IL1RAPL1: variants seen among roughly 807,000 people sequenced by gnomAD.
IL1RAPL1 encodes the protein interleukin-1 receptor accessory protein-like 1.
A neutral mutation model predicts 48.4 loss-of-function variants in IL1RAPL1; 3 were observed. The observed-to-expected ratio is 0.06, with a 90% CI of 0.03 to 0.16. IL1RAPL1 has a LOEUF of 0.16. Among genes scored for constraint, IL1RAPL1 ranks in the 10% least tolerant of loss-of-function variants. The pLI is 1.00. For synonymous variants in IL1RAPL1, 185 were observed against 187.7 expected (o/e 0.99, Z 0.12); for missense variants, 349 against 530.6 (o/e 0.66, Z 3.36).
intron 2 of IL1RAPL1, among the ~76,000 whole-genome samples, chrX:28,842,111 C>T (rs1166491003): frequency 9.1e-6 from 1 of 109,729 alleles, no homozygotes; most frequent in Non-Finnish European, 1.9e-5. Flanking sequence ...TTTATCAATA[C>T]TTATGAACAT....
intron 5 of IL1RAPL1, among the ~76,000 whole-genome samples, chrX:29,601,390 AATATT>A (rs1174855389): frequency 1.8e-5 from 2 of 112,300 alleles, no homozygotes; most frequent in African/African-American, 3.2e-5. Context: ...AAAATACTGA[AATATT>A]AATTATTAAG....
At chrX:29,475,834 G>GTT (rs572921846) in intron 5 of IL1RAPL1, among the ~76,000 whole-genome samples, 2 of 103,156 alleles carry the variant, frequency 1.9e-5, no homozygotes, top group Non-Finnish European at 2.0e-5. Flanking sequence ...ACGTTATGAA[G>GTT]TTTTTTTTTT....
intron 2 of IL1RAPL1, among the ~76,000 whole-genome samples, chrX:28,853,990 T>C (rs1921740121): frequency 9.0e-6 from 1 of 111,680 alleles, no homozygotes; most frequent in African/African-American, 3.3e-5. Flanking sequence ...GATATAGAAG[T>C]GTGAAACATG....
chrX:29,129,952 C>T (rs1361596143), intron 2 of IL1RAPL1, among the ~76,000 whole-genome samples: 1 of 110,550 alleles, frequency 9.0e-6, no homozygotes, highest in Non-Finnish European at 1.9e-5. Flanking sequence ...TCTAAAGAAC[C>T]CTCATATTTT....
At chrX:29,300,308 C>T (rs896704015) in intron 3 of IL1RAPL1, among the ~76,000 whole-genome samples, 3 of 111,283 alleles carry the variant, frequency 2.7e-5, no homozygotes, top group Non-Finnish European at 5.7e-5. Context: ...GCACCTAACA[C>T]AGTGCCCAGC....
At chrX:29,091,016 T>C (rs1928077884) in intron 2 of IL1RAPL1, among the ~76,000 whole-genome samples, 1 of 112,281 alleles carries the variant, frequency 8.9e-6, no homozygotes, top group Non-Finnish European at 1.9e-5. Context: ...ATGCCATCTA[T>C]TGGCTTCCAA....
chrX:29,366,373 A>G (rs1468020797), intron 3 of IL1RAPL1, among the ~76,000 whole-genome samples: 1 of 110,448 alleles, frequency 9.1e-6, no homozygotes, highest in Non-Finnish European at 1.9e-5. Context: ...AGCATCAAAT[A>G]TTAAAGGTTC....
chrX:29,225,371 C>G (rs374920054), intron 2 of IL1RAPL1, among the ~76,000 whole-genome samples: 1 of 111,815 alleles, frequency 8.9e-6, no homozygotes, highest in South Asian at 3.7e-4. Flanking sequence ...CTATTAAGTA[C>G]CAGCAGAGAG....
chrX:29,395,324 T>G (rs1933907774), intron 3 of IL1RAPL1, among the ~76,000 whole-genome samples: 1 of 111,716 alleles, frequency 9.0e-6, no homozygotes, highest in Non-Finnish European at 1.9e-5. Flanking sequence ...AAACTTTGAA[T>G]TCAATATTTT....
intron 6 of IL1RAPL1, among the ~76,000 whole-genome samples, chrX:29,795,538 G>C (rs1929722591): frequency 9.0e-6 from 1 of 111,728 alleles, no homozygotes; most frequent in Non-Finnish European, 1.9e-5. Context: ...AGCCTCCTGA[G>C]TAACTGAGAC....
intron 2 of IL1RAPL1, among the ~76,000 whole-genome samples, chrX:29,086,594 A>G (rs1927957695): frequency 9.0e-6 from 1 of 111,692 alleles, no homozygotes; most frequent in Non-Finnish European, 1.9e-5. Flanking sequence ...TTAATATATT[A>G]TTATCCTTGA....
At chrX:29,695,597 C>CGAGAGAGAGAGA (rs10635140) in intron 6 of IL1RAPL1, among the ~76,000 whole-genome samples, 68 of 94,872 alleles carry the variant, frequency 7.2e-4, no homozygotes, top group African/African-American at 1.8e-3. Flanking sequence ...TGCAAGGTGG[C>CGAGAGAGAGAGA]GAGAGAGAGA....
chrX:29,823,264 A>G (rs993345425), intron 6 of IL1RAPL1, among the ~76,000 whole-genome samples: 1 of 111,980 alleles, frequency 8.9e-6, no homozygotes, highest in Non-Finnish European at 1.9e-5. Context: ...AATTGGTCAC[A>G]TGGAAGGTAA....
At chrX:29,678,485 G>C (rs1162166280) in intron 6 of IL1RAPL1, among the ~76,000 whole-genome samples, 2 of 103,619 alleles carry the variant, frequency 1.9e-5, no homozygotes, top group Non-Finnish European at 3.9e-5. Context: ...TTCCCGAGTA[G>C]CTGGGACTAG....
chrX:29,206,729 T>C, intron 2 of IL1RAPL1, among the ~76,000 whole-genome samples: 1 of 112,027 alleles, frequency 8.9e-6, no homozygotes, highest in Admixed American at 9.6e-5. Context: ...TGTATACAAG[T>C]ATTTGTACCA....
intron 2 of IL1RAPL1, among the ~76,000 whole-genome samples, chrX:28,850,877 C>T (rs1382099334): frequency 1.1e-4 from 9 of 81,955 alleles, no homozygotes; most frequent in Non-Finnish European, 1.8e-4. Flanking sequence ...TCTGAATATT[C>T]TCTTCATTTA....
intron 6 of IL1RAPL1, among the ~76,000 whole-genome samples, chrX:29,765,458 A>T (rs1196967333): frequency 8.9e-6 from 1 of 111,900 alleles, no homozygotes; most frequent in African/African-American, 3.2e-5. Context: ...CAGTACAGTA[A>T]TAGTAAACTT....
intron 5 of IL1RAPL1, among the ~76,000 whole-genome samples, chrX:29,505,953 C>T (rs1484250233): frequency 8.9e-6 from 1 of 111,961 alleles, no homozygotes; most frequent in Non-Finnish European, 1.9e-5. Flanking sequence ...TGGTTATTTT[C>T]AAATACTCTG....
At chrX:29,864,065 G>A (rs189691892) in intron 6 of IL1RAPL1, among the ~76,000 whole-genome samples, 58 of 112,323 alleles carry the variant, frequency 5.2e-4, no homozygotes, top group African/African-American at 1.8e-3. Flanking sequence ...GATTACAGGC[G>A]TGAGCCACCG....
Sources: allele counts gnomAD v4.1 joint callset (sites outside exome capture counted in the v4.1 genomes callset), GRCh38; gene constraint gnomAD v4.1.1; transcripts MANE v1.5; gene names NCBI Gene and HGNC (gene_info 2026-07-23, HGNC 2026-07-21).